Variants in PHLPP1 observed in about 807,000 individuals in gnomAD.
The protein encoded by PHLPP1 is PH domain and leucine rich repeat protein phosphatase 1, also known as PH domain leucine-rich repeat-containing protein phosphatase 1.
A neutral mutation model predicts 117.2 loss-of-function variants in PHLPP1; 42 were observed. That is an observed-to-expected ratio of 0.36 (90% confidence interval 0.28 to 0.46). The LOEUF (loss-of-function observed/expected upper bound fraction) is 0.46. Ranked by LOEUF, PHLPP1 falls within the 20% of genes least tolerant of loss-of-function variation. PHLPP1 has a pLI of 1.00. For synonymous variants in PHLPP1, 1,042 were observed against 970.7 expected (o/e 1.07, Z -1.37); for missense variants, 2,084 against 2,241.9 (o/e 0.93, Z 1.42).
At chr18:62,912,371 T>C (rs1399335595) in intron 8 of PHLPP1, among the ~76,000 whole-genome samples, 1 of 150,252 alleles carries the variant, frequency 6.7e-6, no homozygotes, top group Non-Finnish European at 1.5e-5. Context: ...TTTTTTATTA[T>C]AAATATATAA....
At chr18:62,898,866 T>C (rs1441806599) in intron 6 of PHLPP1, among the ~76,000 whole-genome samples, 2 of 151,508 alleles carry the variant, frequency 1.3e-5, no homozygotes, top group African/African-American at 4.9e-5. Flanking sequence ...TGGTGTGATC[T>C]CGGCTCACTG....
intron 9 of PHLPP1, 132 bp from the exon 10 acceptor site, chr18:62,919,827 A>G: frequency 1.5e-6 from 1 of 673,964 alleles, no homozygotes; most frequent in Non-Finnish European, 2.5e-6. Flanking sequence ...ATTGAAACAA[A>G]TAGTTTCAAG....
intron 1 of PHLPP1, among the ~76,000 whole-genome samples, chr18:62,719,525 C>T (rs765713509): frequency 2.8e-4 from 42 of 152,156 alleles, no homozygotes; most frequent in Admixed American, 4.6e-4. Context: ...GAAATGATCT[C>T]TGTGTTCCAA....
intron 1 of PHLPP1, among the ~76,000 whole-genome samples, chr18:62,772,971 A>AC (rs1912840124): frequency 6.6e-6 from 1 of 152,126 alleles, no homozygotes; most frequent in South Asian, 2.1e-4. Flanking sequence ...CCCCAAAAAA[A>AC]ACTCTAAAAT....
chr18:62,833,613 GC>G (rs1914811071), intron 2 of PHLPP1, among the ~76,000 whole-genome samples: 1 of 151,898 alleles, frequency 6.6e-6, no homozygotes, highest in Admixed American at 6.6e-5. Flanking sequence ...TCTATATTTT[GC>G]TTGTTTTTGA....
At chr18:62,888,335 ATG>A (rs1916334062) in intron 4 of PHLPP1, among the ~76,000 whole-genome samples, 15 of 74,764 alleles carry the variant, frequency 2.0e-4, no homozygotes, top group Non-Finnish European at 3.7e-4. Flanking sequence ...GTGTGTGTGT[ATG>A]TTTTTTTTTT....
chr18:62,869,491 C>T (rs1915847635), intron 4 of PHLPP1, among the ~76,000 whole-genome samples: 1 of 152,172 alleles, frequency 6.6e-6, no homozygotes, highest in African/African-American at 2.4e-5. Flanking sequence ...TGTCCTTGTA[C>T]CCTTCTCTTT....
intron 8 of PHLPP1, among the ~76,000 whole-genome samples, chr18:62,912,316 TA>T (rs71340131): frequency 0.012 from 1,619 of 140,380 alleles, 8 homozygotes; most frequent in Middle Eastern, 0.018. Context: ...AAAAAAAAAT[TA>T]AAAAAAAAAT....
intron 1 of PHLPP1, among the ~76,000 whole-genome samples, chr18:62,719,592 G>T (rs117569400): frequency 0.036 from 5,461 of 152,220 alleles, 142 homozygotes; most frequent in Middle Eastern, 0.061. Context: ...GTTTTTTTCT[G>T]TAGGAAGAGG....
chr18:62,801,008 C>T (rs529256097), intron 1 of PHLPP1, among the ~76,000 whole-genome samples: 62 of 101,700 alleles, frequency 6.1e-4, no homozygotes, highest in African/African-American at 2.3e-3. Flanking sequence ...TCCTTGCTTC[C>T]TTCCCTCCCT....
intron 1 of PHLPP1, among the ~76,000 whole-genome samples, chr18:62,782,331 G>A (rs184919916): frequency 2.0e-5 from 3 of 152,306 alleles, no homozygotes; most frequent in African/African-American, 7.2e-5. Context: ...GAGAACAGAG[G>A]CACCAGACAT....
At chr18:62,913,142 T>C (rs1035532734) in intron 8 of PHLPP1, among the ~76,000 whole-genome samples, 1 of 152,192 alleles carries the variant, frequency 6.6e-6, no homozygotes, top group Non-Finnish European at 1.5e-5. Flanking sequence ...CCTCCCGTGC[T>C]GTCACCTATC....
rs759659127 is a variant in PHLPP1, at chr18:62,830,235, AGTTTGTTT to A, written c.1773+17_1773+24del. 5 of 1,550,350 alleles carry A rather than the reference AGTTTGTTT, an allele frequency of 3.2e-6. No homozygotes were observed. The Admixed American group carries it at 5.9e-5, about 18-fold the overall frequency. On this transcript the variant is annotated splice_donor_5th_base_variant and intron_variant, in intron 2 of 16. Coordinates refer to ENST00000262719, the MANE Select transcript of PHLPP1 (RefSeq NM_194449.4). ...TCTGCCACTAATTGGTGGAAAAGTA[AGTTTGTTT>A]GTTTGTTTGTTTATTGAGTCAGAGT...
intron 1 of PHLPP1, among the ~76,000 whole-genome samples, chr18:62,803,679 T>G (rs1019452032): frequency 2.0e-5 from 3 of 152,230 alleles, no homozygotes; most frequent in African/African-American, 7.2e-5. Context: ...TCTAGTGCAA[T>G]TTACATGTAT....
intron 1 of PHLPP1, among the ~76,000 whole-genome samples, chr18:62,764,325 C>A (rs953758539): frequency 5.3e-5 from 8 of 152,208 alleles, no homozygotes; most frequent in African/African-American, 1.9e-4. Context: ...GCCCCATCCA[C>A]TTTGGGTTCT....
intron 10 of PHLPP1, among the ~76,000 whole-genome samples, chr18:62,922,130 T>C (rs1909490245): frequency 6.6e-6 from 1 of 151,820 alleles, no homozygotes; most frequent in African/African-American, 2.4e-5. Flanking sequence ...GTTTGTTTGT[T>C]TGTTTGTTTG....
intron 16 of PHLPP1, among the ~76,000 whole-genome samples, chr18:62,976,054 G>GACTT (rs1911176714): frequency 6.6e-6 from 1 of 152,234 alleles, no homozygotes; most frequent in Non-Finnish European, 1.5e-5. Flanking sequence ...AGGTTGGTAT[G>GACTT]ACTTGTAAAC....
intron 4 of PHLPP1, among the ~76,000 whole-genome samples, chr18:62,894,080 G>C (rs1159473994): frequency 6.6e-6 from 1 of 152,148 alleles, no homozygotes; most frequent in East Asian, 1.9e-4. Context: ...AATTTGGGTT[G>C]GGGAAGAAAA....
intron 9 of PHLPP1, among the ~76,000 whole-genome samples, chr18:62,917,314 C>T (rs1265820578): frequency 1.2e-4 from 18 of 151,076 alleles, no homozygotes; most frequent in Admixed American, 1.2e-3. Flanking sequence ...TGTATCAGAA[C>T]AGGCTTTTTG....
Sources: gnomAD v4.1 joint callset for allele counts (sites outside exome capture counted in the v4.1 genomes callset) on GRCh38, gnomAD v4.1.1 for gene constraint, MANE v1.5 for transcripts, NCBI Gene and HGNC (gene_info 2026-07-23, HGNC 2026-07-21) for gene names.